Variants in NRG2 observed in about 807,000 individuals in gnomAD.
The protein encoded by NRG2 is pro-neuregulin-2, membrane-bound isoform.
In NRG2, 27 loss-of-function variants were observed where a neutral mutation model predicts 73.9. That is an observed-to-expected ratio of 0.37 (90% CI 0.27 to 0.50). The LOEUF is 0.50. Ranked by LOEUF, NRG2 falls within the 20% of genes least tolerant of loss-of-function variation. The pLI is 0.96. For missense variants in NRG2, 1,126 were observed against 1,210.1 expected (o/e 0.93, Z 1.03); for synonymous variants, 532 against 541.0 (o/e 0.98, Z 0.23).
rs536701722 is a variant in NRG2, at chr5:139,848,479, G to C, written c.1991C>G (p.Pro664Arg). Residue 664 changes from proline to arginine, a missense_variant, in exon 10 of 10, where the codon CCC (proline) becomes CGC (arginine). Physicochemically the swap from Pro to Arg is moderately radical, Grantham distance 103 (BLOSUM62 -2). Transcript: ENST00000361474. The stretch of plus-strand genomic sequence containing the variant: ...GCGCTGCATGTCTGCGCCGGGCCCG[G>C]GCCCGGGCCCGGGTCCGGGTCCCGG... ...PGPGPGPGPGPGPGADMQRSY... is the reference protein window; with the variant it reads ...PGPGPGPGPGRGPGADMQRSY... The C allele has an allele frequency of 1.8e-5, 24 of 1,339,276 alleles. No homozygotes were observed. Among genetic ancestry groups the C allele is most frequent in the African/African-American group, 3.3e-5 (2 of 59,856 alleles). 83.0% of individuals were successfully genotyped at this position (1,339,276 alleles called of 1,614,324 possible).
chr5:139,887,497 A>G lies in NRG2; in HGVS notation c.715T>C (p.Leu239=), dbSNP rs776009910. 6 of 1,613,970 alleles carry G rather than the reference A, an allele frequency of 3.7e-6. No homozygotes were observed. The highest frequency in any genetic ancestry group is 2.5e-6 in the Non-Finnish European group (3 of 1,180,024). ...CCCGTCTGGCTCTTCATCTTCTTCA[A>G]CTTGGGCCGGGTGGCTGTGGGTTAC... ...LCTDCATRPK[L]KKMKSQTGQV... is the part of the protein sequence containing the mutation. Residue 239 remains leucine, a synonymous_variant, in exon 2 of 10, where the codon TTG becomes CTG. Transcript: ENST00000361474. The surrounding 1 kb of genome is among the most constrained non-coding windows in gnomAD (Gnocchi z 4.5).
intron 2 of NRG2, among the ~76,000 whole-genome samples, chr5:139,882,988 T>C (rs569893975): frequency 6.6e-6 from 1 of 152,106 alleles, no homozygotes; most frequent in African/African-American, 2.4e-5. Flanking sequence ...GATGATTTCA[T>C]AGAAGCCGGC....
intron 1 of NRG2, among the ~76,000 whole-genome samples, chr5:139,965,156 C>T (rs1755398469): frequency 6.6e-6 from 1 of 152,224 alleles, no homozygotes; most frequent in African/African-American, 2.4e-5. Context: ...ACAGCAACCT[C>T]CTCCCACCCT....
intron 1 of NRG2, among the ~76,000 whole-genome samples, chr5:139,888,168 G>A (rs1763992824): frequency 6.6e-6 from 1 of 151,924 alleles, no homozygotes; most frequent in South Asian, 2.1e-4. Flanking sequence ...CTCTTCTCAG[G>A]AAGATGAGGC....
intron 1 of NRG2, among the ~76,000 whole-genome samples, chr5:139,913,581 G>C (rs4912936): frequency 2.6e-5 from 4 of 152,114 alleles, no homozygotes; most frequent in Admixed American, 2.6e-4. Context: ...CCCTATGAGA[G>C]CCTTTGTGCC....
At chr5:140,026,818 C>A (rs1168681040) in intron 1 of NRG2, among the ~76,000 whole-genome samples, 2 of 152,060 alleles carry the variant, frequency 1.3e-5, no homozygotes, top group Admixed American at 1.3e-4. Context: ...TAGATAAATG[C>A]TGTTATTTAG....
At chr5:139,902,551 C>T (rs1282525868) in intron 1 of NRG2, among the ~76,000 whole-genome samples, 1 of 152,190 alleles carries the variant, frequency 6.6e-6, no homozygotes, top group African/African-American at 2.4e-5. Flanking sequence ...ATTACTTGCT[C>T]ATGCTTTCCA....
At chr5:139,928,763 G>T (rs916662526) in intron 1 of NRG2, among the ~76,000 whole-genome samples, 1 of 152,168 alleles carries the variant, frequency 6.6e-6, no homozygotes, top group Non-Finnish European at 1.5e-5. Flanking sequence ...CTGCTCCTCT[G>T]GCTCTTGACT....
intron 1 of NRG2, among the ~76,000 whole-genome samples, chr5:139,996,933 G>T (rs1179683151): frequency 6.6e-6 from 1 of 152,178 alleles, no homozygotes; most frequent in African/African-American, 2.4e-5. Context: ...TTGAGTCCAG[G>T]AGTTCAAGAC....
chr5:140,002,250 G>T (rs1758547806), intron 1 of NRG2, among the ~76,000 whole-genome samples: 1 of 152,110 alleles, frequency 6.6e-6, no homozygotes, highest in Non-Finnish European at 1.5e-5. Flanking sequence ...AAAATTTTTT[G>T]TCCTCTTGAA....
intron 1 of NRG2, among the ~76,000 whole-genome samples, chr5:139,908,639 G>A (rs981685962): frequency 1.3e-5 from 2 of 152,182 alleles, no homozygotes; most frequent in African/African-American, 4.8e-5. Context: ...TTGCAGTTGG[G>A]TATCCAGAGC....
At chr5:139,968,475 C>A (rs1362390459) in intron 1 of NRG2, among the ~76,000 whole-genome samples, 1 of 152,156 alleles carries the variant, frequency 6.6e-6, no homozygotes, top group East Asian at 1.9e-4. Context: ...GCCTGGACTT[C>A]ATCTTGTTTG....
intron 1 of NRG2, among the ~76,000 whole-genome samples, chr5:139,971,718 C>T (rs938501243): frequency 1.4e-4 from 22 of 152,020 alleles, no homozygotes; most frequent in Admixed American, 1.4e-3. Flanking sequence ...TAGTAAGAAA[C>T]GTGCAGGATC....
Position 139,996,547 on chromosome 5 carries a change from A to G in NRG2, c.700+45823T>C, listed in dbSNP as rs181540517. Among the ~76,000 whole-genome samples the G allele has an allele frequency of 1.7e-4, 26 of 152,372 alleles. 2 individuals carry two copies. Among genetic ancestry groups the G allele is most frequent in the African/African-American group, 6.3e-4 (26 of 41,598 alleles). On this transcript the variant is annotated intron_variant, in intron 1 of 9. Coordinates refer to ENST00000361474, the MANE Select transcript of NRG2 (RefSeq NM_004883.3). ...AGATACCCATAAACCTGTTGTAAAGAAAACACGTATCTTCAGGGACCTGAC... is the reference window on the plus strand; with the variant it reads ...AGATACCCATAAACCTGTTGTAAAGGAAACACGTATCTTCAGGGACCTGAC...
At chr5:140,018,424 A>G (rs1759964349) in intron 1 of NRG2, among the ~76,000 whole-genome samples, 1 of 152,250 alleles carries the variant, frequency 6.6e-6, no homozygotes. Context: ...TAACTTTAGA[A>G]GAGGAAAACG....
chr5:139,972,636 A>T (rs1426727916), intron 1 of NRG2, among the ~76,000 whole-genome samples: 1 of 152,192 alleles, frequency 6.6e-6, no homozygotes, highest in Non-Finnish European at 1.5e-5. Flanking sequence ...AGGCAGGAAA[A>T]TCGCTCGAAC....
chr5:140,043,195 G>A lies in NRG2; in HGVS notation c.-126C>T, dbSNP rs1344562874. 3 of 1,155,562 alleles carry A rather than the reference G, an allele frequency of 2.6e-6. No homozygotes were observed. The highest frequency in any genetic ancestry group is 2.9e-4 in the Middle Eastern group (1 of 3,392). The allele number at this position is 1,155,562 out of a possible 1,614,324, so 71.6% of individuals were successfully genotyped here. A position where few individuals can be genotyped will look rare whatever the true frequency, so the allele number is the denominator to read the frequency against. On this transcript the variant is annotated 5_prime_UTR_variant, in exon 1 of 10. Coordinates refer to ENST00000361474, the MANE Select transcript of NRG2 (RefSeq NM_004883.3). The surrounding 1 kb of genome is among the most constrained non-coding windows in gnomAD (Gnocchi z 6.7). ...TCTTAGCCCTCCACCGGCAGCCCGGGGAGGTGGCCCAGCTAGGGCAGGGGG... is the reference window on the plus strand; with the variant it reads ...TCTTAGCCCTCCACCGGCAGCCCGGAGAGGTGGCCCAGCTAGGGCAGGGGG...
At chr5:139,933,693 A>G (rs937633159) in intron 1 of NRG2, among the ~76,000 whole-genome samples, 2 of 152,234 alleles carry the variant, frequency 1.3e-5, no homozygotes, top group Admixed American at 6.5e-5. Flanking sequence ...TAGTTAGACA[A>G]AATCTCAATA....
chr5:139,944,314 A>C (rs1753638439), intron 1 of NRG2, among the ~76,000 whole-genome samples: 2 of 152,178 alleles, frequency 1.3e-5, no homozygotes, highest in African/African-American at 4.8e-5. Flanking sequence ...ATTATTAACT[A>C]TAGTCATCCT....
Sources: gnomAD v4.1 joint callset for allele counts (sites outside exome capture counted in the v4.1 genomes callset) on GRCh38, gnomAD v4.1.1 for gene constraint, Gnocchi (gnomAD v3.1) non-coding constraint, MANE v1.5 for transcripts, NCBI Gene and HGNC (gene_info 2026-07-23, HGNC 2026-07-21) for gene names.